SLC25A16: variants seen among roughly 807,000 people sequenced by gnomAD.
SLC25A16 encodes mitochondrial coenzyme A transporter SLC25A16.
In SLC25A16, 39 loss-of-function variants were observed where a neutral mutation model predicts 41.5. That is an observed-to-expected ratio of 0.94 (90% CI 0.73 to 1.23). The LOEUF is 1.23. Ranked by LOEUF, SLC25A16 falls within the 50% of genes most tolerant of loss-of-function variation. The pLI is 0.00. For missense variants in SLC25A16, 421 were observed against 426.9 expected (o/e 0.99, Z 0.12); for synonymous variants, 146 against 147.8 (o/e 0.99, Z 0.09).
At chr10:68,516,571 G>A (rs1590124183) in intron 2 of SLC25A16, among the ~76,000 whole-genome samples, 180 bp downstream of exon 2, 1 of 152,092 alleles carries the variant, frequency 6.6e-6, no homozygotes, top group East Asian at 1.9e-4. Flanking sequence ...TGTTAGCACA[G>A]GTCTTTGAAT....
intron 2 of SLC25A16, among the ~76,000 whole-genome samples, chr10:68,508,649 C>T (rs993130220): frequency 4.7e-5 from 7 of 149,968 alleles, no homozygotes; most frequent in Admixed American, 4.6e-4. Context: ...ACCCGGGAGG[C>T]GGAGGTTGCA....
intron 1 of SLC25A16, among the ~76,000 whole-genome samples, chr10:68,523,873 C>T (rs2053288321): frequency 6.6e-6 from 1 of 151,996 alleles, no homozygotes; most frequent in Non-Finnish European, 1.5e-5. Flanking sequence ...CAGAGGTGAG[C>T]AGATTGCTTG....
At chr10:68,504,366 T>A (rs759880184) in intron 3 of SLC25A16, among the ~76,000 whole-genome samples, 17 of 151,544 alleles carry the variant, frequency 1.1e-4, no homozygotes, top group Non-Finnish European at 2.2e-4. Flanking sequence ...GAAGTCCTGA[T>A]ACACAAATGG....
intron 3 of SLC25A16, among the ~76,000 whole-genome samples, chr10:68,505,425 TTTA>T (rs1157632394): frequency 6.6e-6 from 1 of 151,982 alleles, no homozygotes; most frequent in East Asian, 1.9e-4. Context: ...ATTATATGGA[TTTA>T]TTATTATCTT....
At chr10:68,505,676 G>A (rs10998232) in intron 3 of SLC25A16, among the ~76,000 whole-genome samples, 6,967 of 152,188 alleles carry the variant, frequency 0.046, 176 homozygotes, top group Middle Eastern at 0.061. Context: ...AGAGATTGCA[G>A]TGAGCCAAGA....
chr10:68,522,570 C>CT (rs1047592225), intron 1 of SLC25A16, among the ~76,000 whole-genome samples: 15 of 152,260 alleles, frequency 9.9e-5, no homozygotes, highest in African/African-American at 3.4e-4. Flanking sequence ...AATCCCAGCA[C>CT]TTTCGGAGGC....
intron 6 of SLC25A16, among the ~76,000 whole-genome samples, chr10:68,489,978 G>A (rs1038990968): frequency 5.3e-5 from 8 of 151,454 alleles, no homozygotes; most frequent in Non-Finnish European, 7.4e-5. Flanking sequence ...TGAAACTGCC[G>A]TAGCCCATGT....
In SLC25A16 at chr10:68,527,465, ACCG is replaced by A. The variant is rs2053358353; in HGVS notation, c.-93_-91del. On this transcript the variant is annotated 5_prime_UTR_variant, in exon 1 of 9. Coordinates refer to ENST00000609923, the MANE Select transcript of SLC25A16 (RefSeq NM_152707.4). ...CGGAACAGGCGGTGACAGGAGGCTGACCGCCCCGCCGGCGGGGCAAAGTAACAC... is the reference window on the plus strand; with the variant it reads ...CGGAACAGGCGGTGACAGGAGGCTGACCCCGCCGGCGGGGCAAAGTAACAC... The A allele has an allele frequency of 2.3e-6, 3 of 1,281,770 alleles. No homozygotes were observed. Among genetic ancestry groups the A allele is most frequent in the Non-Finnish European group, 3.0e-6 (3 of 988,124 alleles). 79.4% of individuals were successfully genotyped at this position (1,281,770 alleles called of 1,614,324 possible). A position where few individuals can be genotyped will look rare whatever the true frequency, so the allele number is the denominator to read the frequency against.
At chr10:68,491,822 A>C (rs1564912080) in intron 6 of SLC25A16, among the ~76,000 whole-genome samples, 1 of 152,018 alleles carries the variant, frequency 6.6e-6, no homozygotes, top group Non-Finnish European at 1.5e-5. Context: ...TGCTTGATTG[A>C]TTGATTGATT....
intron 4 of SLC25A16, among the ~76,000 whole-genome samples, chr10:68,501,842 CCT>C (rs1185153732): frequency 4.6e-5 from 7 of 152,072 alleles, no homozygotes; most frequent in African/African-American, 1.7e-4. Context: ...TCCATCCATC[CCT>C]CACTCCCTCT....
At chr10:68,511,895 C>T (rs997974665) in intron 2 of SLC25A16, among the ~76,000 whole-genome samples, 1 of 151,180 alleles carries the variant, frequency 6.6e-6, no homozygotes, top group African/African-American at 2.4e-5. Flanking sequence ...CTCACTCTAT[C>T]GCCCAGGCTG....
At chr10:68,515,798 CAAAA>C (rs1287927659) in intron 2 of SLC25A16, among the ~76,000 whole-genome samples, 16 of 146,570 alleles carry the variant, frequency 1.1e-4, no homozygotes, top group African/African-American at 3.4e-4. Context: ...AACTCTGCCT[CAAAA>C]AATAAATAAA....
chr10:68,520,093 G>A (rs1161713497), intron 1 of SLC25A16, among the ~76,000 whole-genome samples: 3 of 150,680 alleles, frequency 2.0e-5, no homozygotes, highest in Non-Finnish European at 4.4e-5. Flanking sequence ...TGGGATTACA[G>A]GAACCCACCA....
At chr10:68,516,893 A>G in intron 1 of SLC25A16, 50 bp from the exon 2 acceptor site, 1 of 1,403,876 alleles carries the variant, frequency 7.1e-7, no homozygotes, top group Non-Finnish European at 1.0e-6. Context: ...ATTTCTTTCC[A>G]GATGGAAATC....
intron 4 of SLC25A16, chr10:68,499,680 G>A (rs2052808329): frequency 8.4e-6 from 3 of 355,128 alleles, no homozygotes; most frequent in Non-Finnish European, 1.7e-5. Context: ...ATGCCCATCC[G>A]AAAGGTTTTG....
rs1382416066 is a variant in SLC25A16 at position 68,480,904 on chromosome 10, T to G, written c.*2528A>C. ...AAATGGTTTTAAGAACACATGTATT[T>G]CTTTTTTTTTTCTTTTATACAGTCT... On this transcript the variant is annotated 3_prime_UTR_variant, in exon 9 of 9. Coordinates refer to ENST00000609923, the MANE Select transcript of SLC25A16 (RefSeq NM_152707.4). The G allele has an allele frequency of 6.8e-6, 1 of 147,684 alleles. No homozygotes were observed. Among genetic ancestry groups the G allele is most frequent in the Non-Finnish European group, 1.5e-5 (1 of 67,630 alleles). 9.1% of individuals were successfully genotyped at this position (147,684 alleles called of 1,614,324 possible). A position where few individuals can be genotyped will look rare whatever the true frequency, so the allele number is the denominator to read the frequency against.
rs1351372376 is a variant in SLC25A16, at chr10:68,493,545, G to A, written c.447C>T (p.Tyr149=). The A allele has an allele frequency of 1.2e-6, 2 of 1,612,852 alleles. No homozygotes were observed. The highest frequency in any genetic ancestry group is 1.7e-6 in the Non-Finnish European group (2 of 1,179,148). ...MAGMTAVICT[Y]PLDMVRVRLA... is the part of the protein sequence containing the mutation. ...GGCGGACCCTAACCATGTCAAGAGG[G>A]TAAGTACAGATAACTGCTGTCATAC... Residue 149 remains tyrosine, a synonymous_variant, in exon 5 of 9, where the codon TAC becomes TAT. Transcript: ENST00000609923.
At position 68,522,405 on chromosome 10, in the gene SLC25A16, CACAGTGGCTCAT is replaced by C. The variant is rs567513537; in HGVS notation, c.130+4829_130+4840del. Among the ~76,000 whole-genome samples the C allele has an allele frequency of 2.7e-3, 404 of 152,110 alleles. 4 individuals are homozygous for C. The highest frequency in any genetic ancestry group is 9.2e-3 in the African/African-American group (381 of 41,512). On this transcript the variant is annotated intron_variant, in intron 1 of 8. Transcript: ENST00000609923. ...AAAGAAAAGTGGAAATAAAGCCAGG[CACAGTGGCTCAT>C]GCCTGTAATTCTAACACATTGGGAG...
At chr10:68,504,236 C>T (rs1315186743) in intron 3 of SLC25A16, among the ~76,000 whole-genome samples, 2 of 151,678 alleles carry the variant, frequency 1.3e-5, no homozygotes, top group Non-Finnish European at 2.9e-5. Context: ...AGGCTGGTCT[C>T]GAACTCCTGA....
Sources: allele counts gnomAD v4.1 joint callset (sites outside exome capture counted in the v4.1 genomes callset), GRCh38; gene constraint gnomAD v4.1.1; transcripts MANE v1.5; gene names NCBI Gene and HGNC (gene_info 2026-07-23, HGNC 2026-07-21).